SLC6A2: variants seen among roughly 807,000 people sequenced by gnomAD.
SLC6A2 encodes sodium-dependent noradrenaline transporter.
In SLC6A2, 26 loss-of-function variants were observed where a neutral mutation model predicts 71.7. That is an observed-to-expected ratio of 0.36 (90% confidence interval 0.27 to 0.50). SLC6A2 has a LOEUF of 0.50. Ranked by LOEUF, SLC6A2 falls within the 20% of genes least tolerant of loss-of-function variation. The pLI is 0.96. For missense variants in SLC6A2, 581 were observed against 803.9 expected, an observed-to-expected ratio of 0.72 and a Z score of 3.35; for synonymous variants, 363 against 337.9, an observed-to-expected ratio of 1.07 and a Z score of -0.82.
chr16:55,695,237 G>A (rs11568337), intron 7 of SLC6A2, 41 bp from the exon 8 acceptor site: 3 of 1,613,056 alleles, frequency 1.9e-6, no homozygotes, highest in Non-Finnish European at 2.5e-6. Flanking sequence ...ACAGGGTTGA[G>A]GGTGTCAAGG....
In SLC6A2 at chr16:55,700,366, C is replaced by T. The variant is rs528825977; in HGVS notation, c.1758+60C>T. On this transcript the variant is annotated intron_variant, in intron 13 of 14. Coordinates refer to ENST00000568943, the MANE Select transcript of SLC6A2 (RefSeq NM_001172501.3). ...GAGGGGGCTGAGGGGGAAGACGGGA[C>T]GACTCTCATTCCTGTTGGGGTGGGG... 75 of 1,446,926 alleles carry T rather than the reference C, an allele frequency of 5.2e-5. No homozygotes were observed. In the East Asian group the frequency reaches 6.7e-4, roughly 13 times the overall value. 89.6% of individuals were successfully genotyped at this position (1,446,926 alleles called of 1,614,324 possible).
At chr16:55,693,572 G>A (rs1326289842) in intron 6 of SLC6A2, among the ~76,000 whole-genome samples, 1 of 152,202 alleles carries the variant, frequency 6.6e-6, no homozygotes, top group Admixed American at 6.5e-5. Context: ...AGCCCCATTG[G>A]CCCCCAAGGA....
intron 10 of SLC6A2, 65 bp from the exon 11 acceptor site, chr16:55,698,404 A>G: frequency 8.7e-7 from 1 of 1,153,696 alleles, no homozygotes; most frequent in Non-Finnish European, 1.3e-6. Context: ...GAGTTGACAG[A>G]CACAACAATC....
chr16:55,692,165 T>G, intron 6 of SLC6A2, 113 bp downstream of exon 6: 1 of 1,249,198 alleles, frequency 8.0e-7, no homozygotes, highest in Non-Finnish European at 1.2e-6. Flanking sequence ...AGTGTAGCCT[T>G]GGACAGGATC....
At chr16:55,699,507 G>A (rs1314134381) in intron 11 of SLC6A2, 47 bp from the exon 12 acceptor site, 1 of 1,472,486 alleles carries the variant, frequency 6.8e-7, no homozygotes, top group Non-Finnish European at 9.5e-7. Context: ...ACCTGGCCCT[G>A]GCTATCATGG....
intron 4 of SLC6A2, among the ~76,000 whole-genome samples, chr16:55,676,300 T>C (rs1386191371): frequency 1.3e-5 from 2 of 152,212 alleles, no homozygotes; most frequent in African/African-American, 2.4e-5. Flanking sequence ...CCTCTTACCA[T>C]GTGTATGAGG....
intron 3 of SLC6A2, 96 bp downstream of exon 3, chr16:55,669,792 C>A: frequency 7.3e-7 from 1 of 1,367,216 alleles, no homozygotes; most frequent in Admixed American, 1.8e-5. Flanking sequence ...AGGTAGACCT[C>A]CTGTCATGTG....
intron 4 of SLC6A2, among the ~76,000 whole-genome samples, chr16:55,672,835 T>TG (rs1453258313): frequency 6.6e-6 from 1 of 152,228 alleles, no homozygotes; most frequent in East Asian, 1.9e-4. Flanking sequence ...CACTGGCCAT[T>TG]GGTGCAAGAC....
At chr16:55,672,964 A>G (rs990383351) in intron 4 of SLC6A2, among the ~76,000 whole-genome samples, 2 of 152,344 alleles carry the variant, frequency 1.3e-5, no homozygotes, top group African/African-American at 4.8e-5. Flanking sequence ...TTACATAACC[A>G]TGGTCTGAGT....
In SLC6A2 at chr16:55,702,795, C is replaced by T. The variant is rs1262312371; in HGVS notation, c.*449C>T. The T allele has an allele frequency of 3.8e-6, 4 of 1,055,342 alleles. No homozygotes were observed. Among genetic ancestry groups the T allele is most frequent in the Non-Finnish European group, 4.6e-6 (4 of 873,838 alleles). 65.4% of individuals were successfully genotyped at this position (1,055,342 alleles called of 1,614,324 possible). Reference sequence around the variant, plus strand: ...AAAGCAAAAATCAAACAAAATCTGGCTGAGTTTAGTGGGGTGGTTGGGGAA... The same window carrying T: ...AAAGCAAAAATCAAACAAAATCTGGTTGAGTTTAGTGGGGTGGTTGGGGAA... On this transcript the variant is annotated 3_prime_UTR_variant, in exon 15 of 15. Coordinates refer to ENST00000568943, the MANE Select transcript of SLC6A2 (RefSeq NM_001172501.3).
chr16:55,662,474 T>A (rs1964636341), intron 2 of SLC6A2, among the ~76,000 whole-genome samples: 1 of 152,216 alleles, frequency 6.6e-6, no homozygotes, highest in Non-Finnish European at 1.5e-5. Flanking sequence ...CATTTTTGAT[T>A]CCAATATTGG....
At chr16:55,671,752 C>A in intron 3 of SLC6A2, 186 bp from the exon 4 acceptor site, 1 of 1,334,440 alleles carries the variant, frequency 7.5e-7, no homozygotes, top group Non-Finnish European at 1.0e-6. Flanking sequence ...TACCCCCACC[C>A]CAAAATCTGT....
intron 2 of SLC6A2, among the ~76,000 whole-genome samples, chr16:55,661,157 G>A (rs1964599225): frequency 6.6e-6 from 1 of 152,200 alleles, no homozygotes; most frequent in Admixed American, 6.5e-5. Context: ...TGATCCCTGG[G>A]GAAGAGCAGG....
chr16:55,673,250 T>C (rs192362148), intron 4 of SLC6A2, among the ~76,000 whole-genome samples: 1 of 152,370 alleles, frequency 6.6e-6, no homozygotes, highest in East Asian at 1.9e-4. Flanking sequence ...GGAATGATGC[T>C]GTGCCCTCCT....
chr16:55,664,980 T>C (rs1308018055), intron 2 of SLC6A2, among the ~76,000 whole-genome samples: 4 of 152,146 alleles, frequency 2.6e-5, no homozygotes, highest in Admixed American at 2.6e-4. Context: ...TACATGAACA[T>C]CTTGCTGGGT....
Position 55,703,289 on chromosome 16 carries a change from G to A in SLC6A2, c.*943G>A. On this transcript the variant is annotated 3_prime_UTR_variant, in exon 15 of 15. Transcript: ENST00000568943. ...CACCGTGCTGTCCTCACAAGGCCAG[G>A]TGGGTGCCCAAAGGGAGCCTGACAG... The A allele has an allele frequency of 1.0e-6, 1 of 985,488 alleles. No homozygotes were observed. Among genetic ancestry groups the A allele is most frequent in the Middle Eastern group, 5.2e-4 (1 of 1,916 alleles). The allele number at this position is 985,488 out of a possible 1,614,324, so 61.0% of individuals were successfully genotyped here. A position where few individuals can be genotyped will look rare whatever the true frequency, so the allele number is the denominator to read the frequency against.
At chr16:55,684,371 G>C (rs1272464114) in intron 4 of SLC6A2, among the ~76,000 whole-genome samples, 2 of 151,584 alleles carry the variant, frequency 1.3e-5, no homozygotes, top group Admixed American at 6.6e-5. Context: ...CCATTCCACT[G>C]TTGATGGATG....
chr16:55,671,560 C>T, intron 3 of SLC6A2: 1 of 463,084 alleles, frequency 2.2e-6, no homozygotes, highest in Non-Finnish European at 3.8e-6. Context: ...TTTACAGCTG[C>T]TCCCCATCGC....
intron 9 of SLC6A2, 39 bp downstream of exon 9, chr16:55,696,376 C>A (rs1276735562): frequency 4.1e-6 from 5 of 1,210,278 alleles, no homozygotes; most frequent in Non-Finnish European, 6.2e-6. Flanking sequence ...CCCCATCCCA[C>A]TGGGCCTGAC....
Sources: gnomAD v4.1 joint callset for allele counts (sites outside exome capture counted in the v4.1 genomes callset) on GRCh38, gnomAD v4.1.1 for gene constraint, MANE v1.5 for transcripts, NCBI Gene and HGNC (gene_info 2026-07-23, HGNC 2026-07-21) for gene names.